The following RALGPS1 variants were observed in gnomAD, a reference collection of about 807,000 sequenced individuals.
RALGPS1 encodes the protein Ral GEF with PH domain and SH3 binding motif 1, also known as ras-specific guanine nucleotide-releasing factor RalGPS1.
Under a neutral mutation model 78.8 loss-of-function variants are expected in RALGPS1, and 19 were observed. That is an observed-to-expected ratio of 0.24 (90% CI 0.17 to 0.35). The LOEUF is 0.35. RALGPS1 is among the 10% of genes least tolerant of loss of function. The probability of loss-of-function intolerance (pLI) is 1.00; values close to 1 mark genes in which losing one functional copy is unlikely to be tolerated. For synonymous variants in RALGPS1, 228 were observed against 256.3 expected (o/e 0.89, Z 1.06); for missense variants, 454 against 688.3 (o/e 0.66, Z 3.81).
rs1208030401 is a variant in RALGPS1 at position 127,219,966 on chromosome 9, G to C, written c.*1197G>C. 1.3e-5 allele frequency: 2 copies of C among 152,682 alleles called. No homozygotes were observed. Among genetic ancestry groups the C allele is most frequent in the African/African-American group, 4.8e-5 (2 of 41,472 alleles). 9.5% of individuals were successfully genotyped at this position (152,682 alleles called of 1,614,324 possible). On this transcript the variant is annotated 3_prime_UTR_variant, in exon 19 of 19. Transcript: ENST00000259351. The surrounding 1 kb of genome is among the most constrained non-coding windows in gnomAD (Gnocchi z 5.0). Reference sequence around the variant, plus strand: ...CGTGTGACAATAGAGCGAAGCCCCGGGGAGTGAACGGTCCAACCTCTGCAT... The same window carrying C: ...CGTGTGACAATAGAGCGAAGCCCCGCGGAGTGAACGGTCCAACCTCTGCAT...
intron 1 of RALGPS1, among the ~76,000 whole-genome samples, chr9:126,950,752 A>G (rs1221178654): frequency 6.6e-6 from 1 of 152,002 alleles, no homozygotes; most frequent in Non-Finnish European, 1.5e-5. Flanking sequence ...CACAATTAAA[A>G]GAACTAGAAA....
chr9:127,155,237 C>T (rs2058647856), intron 8 of RALGPS1, among the ~76,000 whole-genome samples: 1 of 152,196 alleles, frequency 6.6e-6, no homozygotes, highest in African/African-American at 2.4e-5. Context: ...ATTCATTTCC[C>T]TGGCCATTTT....
intron 1 of RALGPS1, among the ~76,000 whole-genome samples, chr9:126,930,465 C>G (rs974229279): frequency 6.6e-6 from 1 of 151,816 alleles, no homozygotes; most frequent in African/African-American, 2.4e-5. Context: ...TTTTTTGAAA[C>G]AGGGTCTTGC....
chr9:127,217,249 T>C, intron 18 of RALGPS1: 1 of 1,198,796 alleles, frequency 8.3e-7, no homozygotes, highest in Non-Finnish European at 1.0e-6. Context: ...GGGATTTTTC[T>C]TCCTACTTTC....
At chr9:127,210,674 T>C (rs2130889861) in intron 14 of RALGPS1, 2 of 1,538,578 alleles carry the variant, frequency 1.3e-6, no homozygotes, top group East Asian at 4.9e-5. Flanking sequence ...GTTGCTAAAA[T>C]TTAACCCTTT....
intron 4 of RALGPS1, among the ~76,000 whole-genome samples, chr9:126,982,622 T>C (rs2041352903): frequency 6.6e-6 from 1 of 152,170 alleles, no homozygotes; most frequent in South Asian, 2.1e-4. Context: ...TGGCTGTGAC[T>C]GTGGTTGTCA....
At chr9:127,043,835 A>AT (rs1449635634) in intron 5 of RALGPS1, among the ~76,000 whole-genome samples, 1 of 152,260 alleles carries the variant, frequency 6.6e-6, no homozygotes, top group East Asian at 1.9e-4. Context: ...AAATAAACAT[A>AT]TGACAAGATG....
chr9:126,955,627 A>T (rs897825773), intron 1 of RALGPS1, among the ~76,000 whole-genome samples: 1 of 152,162 alleles, frequency 6.6e-6, no homozygotes, highest in African/African-American at 2.4e-5. Flanking sequence ...AAAACAATTT[A>T]ATATATTTTA....
intron 6 of RALGPS1, among the ~76,000 whole-genome samples, chr9:127,050,557 G>C (rs1008916937): frequency 3.3e-5 from 5 of 152,150 alleles, no homozygotes; most frequent in African/African-American, 1.2e-4. Flanking sequence ...AATATTGTCA[G>C]CAGTCAGCAC....
At chr9:127,121,913 G>T (rs1173891650) in intron 8 of RALGPS1, among the ~76,000 whole-genome samples, 9 of 152,172 alleles carry the variant, frequency 5.9e-5, no homozygotes, top group South Asian at 2.1e-4. Context: ...AAGCTTCAAA[G>T]TGACTACCCA....
At chr9:127,174,569 A>C (rs2059747564) in intron 10 of RALGPS1, 146 bp from the exon 11 acceptor site, 3 of 721,342 alleles carry the variant, frequency 4.2e-6, no homozygotes, top group Non-Finnish European at 2.4e-6. Flanking sequence ...AAACCCCCGG[A>C]GACCTCAGAG....
chr9:126,919,099 C>A (rs1385868183), intron 1 of RALGPS1, among the ~76,000 whole-genome samples: 1 of 152,160 alleles, frequency 6.6e-6, no homozygotes, highest in Non-Finnish European at 1.5e-5. Flanking sequence ...ATTATATATT[C>A]TTTCTCTTAC....
In RALGPS1 at chr9:126,965,957, T is replaced by G; in HGVS notation, c.165+6T>G. 6.2e-7 allele frequency: 1 copy of G among 1,610,876 alleles called. No individual in the cohort carries two copies. The highest frequency in any genetic ancestry group is 8.5e-7 in the Non-Finnish European group (1 of 1,177,266). On this transcript the variant is annotated splice_donor_region_variant and intron_variant, in intron 3 of 18. Transcript: ENST00000259351. Reference sequence around the variant, plus strand: ...TGACCCCAGAGGAGTTTGCTGTAAGTGAAACAGGGCTGGTGTGGGTGGCTG... The same window carrying G: ...TGACCCCAGAGGAGTTTGCTGTAAGGGAAACAGGGCTGGTGTGGGTGGCTG...
At chr9:126,946,801 A>G (rs2037317663) in intron 1 of RALGPS1, among the ~76,000 whole-genome samples, 1 of 152,002 alleles carries the variant, frequency 6.6e-6, no homozygotes, top group Non-Finnish European at 1.5e-5. Context: ...GCCCACCCCC[A>G]CAAATATCCC....
intron 1 of RALGPS1, among the ~76,000 whole-genome samples, chr9:126,940,780 G>T (rs891462396): frequency 3.3e-5 from 5 of 152,084 alleles, no homozygotes; most frequent in African/African-American, 1.2e-4. Flanking sequence ...TTAGGTGATT[G>T]GCCACCAGGT....
At chr9:127,014,828 G>A (rs2044671549) in intron 4 of RALGPS1, among the ~76,000 whole-genome samples, 2 of 151,986 alleles carry the variant, frequency 1.3e-5, no homozygotes, top group Non-Finnish European at 2.9e-5. Context: ...TCTCCTGTGT[G>A]GTTATCTTAC....
intron 8 of RALGPS1, among the ~76,000 whole-genome samples, chr9:127,098,541 C>G (rs551931963): frequency 2.6e-5 from 4 of 152,294 alleles, no homozygotes; most frequent in African/African-American, 9.6e-5. Flanking sequence ...CACACAGGGT[C>G]TGGGGTCAGG....
At chr9:127,159,307 A>G (rs992735350) in intron 8 of RALGPS1, among the ~76,000 whole-genome samples, 3 of 152,104 alleles carry the variant, frequency 2.0e-5, no homozygotes, top group Non-Finnish European at 4.4e-5. Context: ...GGGGATCTAT[A>G]GTTGTGTCCT....
chr9:127,024,477 A>G (rs1021843724), intron 4 of RALGPS1, among the ~76,000 whole-genome samples: 1 of 151,234 alleles, frequency 6.6e-6, no homozygotes, highest in Non-Finnish European at 1.5e-5. Context: ...TCTGTTGATT[A>G]TACTTTTACA....
Sources: gnomAD v4.1 joint callset for allele counts (sites outside exome capture counted in the v4.1 genomes callset) on GRCh38, gnomAD v4.1.1 for gene constraint, Gnocchi (gnomAD v3.1) non-coding constraint, MANE v1.5 for transcripts, NCBI Gene and HGNC (gene_info 2026-07-23, HGNC 2026-07-21) for gene names.